The following MBNL1 variants were observed in gnomAD, a reference collection of about 807,000 sequenced individuals.
MBNL1 encodes muscleblind-like protein 1.
A neutral mutation model predicts 42.2 loss-of-function variants in MBNL1; 8 were observed. The ratio of observed to expected loss-of-function variants is 0.19; its 90% CI spans 0.11 to 0.34. The LOEUF (loss-of-function observed/expected upper bound fraction) is 0.34. MBNL1 is among the 10% of genes least tolerant of loss of function. MBNL1 has a pLI of 1.00. For missense variants in MBNL1, 309 were observed against 495.3 expected, an observed-to-expected ratio of 0.62 and a Z score of 3.57; for synonymous variants, 169 against 173.9, an observed-to-expected ratio of 0.97 and a Z score of 0.22.
intron 2 of MBNL1, among the ~76,000 whole-genome samples, chr3:152,320,314 G>A (rs890793280): frequency 1.3e-5 from 2 of 152,106 alleles, no homozygotes; most frequent in African/African-American, 4.8e-5. Flanking sequence ...TTTGTGATAG[G>A]ACTCATCCAG....
intron 1 of MBNL1, among the ~76,000 whole-genome samples, chr3:152,277,215 G>A (rs1577012499): frequency 6.6e-6 from 1 of 152,084 alleles, no homozygotes; most frequent in Admixed American, 6.6e-5. Context: ...GCACTGGATG[G>A]TGATCTAAAG....
At chr3:152,461,014 C>T (rs1474078800) in intron 9 of MBNL1, among the ~76,000 whole-genome samples, 2 of 152,046 alleles carry the variant, frequency 1.3e-5, no homozygotes, top group African/African-American at 4.8e-5. Flanking sequence ...CAACAGGATC[C>T]GTAAACAAAT....
chr3:152,455,351 C>CT (rs1396892907), intron 6 of MBNL1, among the ~76,000 whole-genome samples, 191 bp from the exon 7 acceptor site: 1 of 152,198 alleles, frequency 6.6e-6, no homozygotes, highest in Non-Finnish European at 1.5e-5. Context: ...TTATTCTTCA[C>CT]TTGAGACTAG....
At chr3:152,348,042 C>T (rs1560239979) in intron 2 of MBNL1, among the ~76,000 whole-genome samples, 1 of 151,842 alleles carries the variant, frequency 6.6e-6, no homozygotes, top group Non-Finnish European at 1.5e-5. Context: ...ACTTTTCCTC[C>T]AGGATGAGTC....
chr3:152,434,278 C>A (rs909498716), intron 4 of MBNL1, among the ~76,000 whole-genome samples: 16 of 152,194 alleles, frequency 1.1e-4, no homozygotes, highest in Non-Finnish European at 1.6e-4. Context: ...CATTTAGCCC[C>A]CACTTACAAG....
At chr3:152,456,470 C>A in intron 8 of MBNL1, 109 bp downstream of exon 8, 1 of 866,164 alleles carries the variant, frequency 1.2e-6, no homozygotes, top group South Asian at 1.4e-5. Flanking sequence ...ATCGTGTGTA[C>A]GTGAGGGCTG....
At chr3:152,375,644 T>C (rs1361521377) in intron 2 of MBNL1, among the ~76,000 whole-genome samples, 2 of 152,008 alleles carry the variant, frequency 1.3e-5, no homozygotes, top group Non-Finnish European at 2.9e-5. Flanking sequence ...GCTATTCTTC[T>C]CAATATCTAC....
intron 5 of MBNL1, 111 bp from the exon 6 acceptor site, chr3:152,447,509 T>TCTG: frequency 1.6e-6 from 1 of 637,570 alleles, no homozygotes; most frequent in Non-Finnish European, 2.6e-6. Context: ...AGTTAAGTGC[T>TCTG]CTGCTGCTTG....
intron 2 of MBNL1, among the ~76,000 whole-genome samples, chr3:152,332,902 G>A (rs2086274239): frequency 6.6e-6 from 1 of 152,146 alleles, no homozygotes; most frequent in African/African-American, 2.4e-5. Flanking sequence ...GGGGACCTGA[G>A]TGCTTGATTT....
chr3:152,294,863 TA>T (rs2057879043), intron 1 of MBNL1, among the ~76,000 whole-genome samples: 1 of 152,200 alleles, frequency 6.6e-6, no homozygotes, highest in Non-Finnish European at 1.5e-5. Flanking sequence ...CCAAATTCTA[TA>T]AAATCTTAAT....
chr3:152,449,994 A>G (rs1277934194), intron 6 of MBNL1, among the ~76,000 whole-genome samples: 1 of 151,296 alleles, frequency 6.6e-6, no homozygotes, highest in African/African-American at 2.4e-5. Context: ...AATCCCAGCT[A>G]CTTGGGAGGT....
At chr3:152,279,696 T>C (rs1414484380) in intron 1 of MBNL1, among the ~76,000 whole-genome samples, 1 of 152,138 alleles carries the variant, frequency 6.6e-6, no homozygotes, top group Non-Finnish European at 1.5e-5. Flanking sequence ...GGTAGACCCA[T>C]TTGGGATTCC....
At chr3:152,309,492 G>A (rs189200817) in intron 2 of MBNL1, among the ~76,000 whole-genome samples, 2 of 152,288 alleles carry the variant, frequency 1.3e-5, no homozygotes, top group Non-Finnish European at 2.9e-5. Flanking sequence ...GACCTAGTGC[G>A]TAGGCTTCTG....
At chr3:152,365,878 C>T (rs2096330719) in intron 2 of MBNL1, among the ~76,000 whole-genome samples, 1 of 152,074 alleles carries the variant, frequency 6.6e-6, no homozygotes, top group Admixed American at 6.6e-5. Context: ...AACTCACACA[C>T]ATATATTAGT....
At chr3:152,356,735 C>G (rs891062009) in intron 2 of MBNL1, among the ~76,000 whole-genome samples, 2 of 152,158 alleles carry the variant, frequency 1.3e-5, no homozygotes, top group African/African-American at 4.8e-5. Context: ...CTCGGCCTCC[C>G]AAAGTGCTGG....
At chr3:152,350,738 C>T (rs2094872015) in intron 2 of MBNL1, among the ~76,000 whole-genome samples, 1 of 152,152 alleles carries the variant, frequency 6.6e-6, no homozygotes. Flanking sequence ...TTCCCTAATA[C>T]TACCTGCATT....
chr3:152,433,025 A>T, intron 4 of MBNL1, 105 bp downstream of exon 4: 1 of 1,042,982 alleles, frequency 9.6e-7, no homozygotes, highest in Non-Finnish European at 1.4e-6. Context: ...TAAAAATTTT[A>T]AAACAGATTT....
intron 2 of MBNL1, among the ~76,000 whole-genome samples, chr3:152,339,486 T>TC (rs1491458588): frequency 2.6e-5 from 4 of 151,334 alleles, no homozygotes; most frequent in African/African-American, 9.7e-5. Context: ...TTCTTTTTTT[T>TC]CCCCCGCCTC....
chr3:152,251,494 T>C (rs1471190782), intron 2 of MBNL1, among the ~76,000 whole-genome samples: 1 of 152,138 alleles, frequency 6.6e-6, no homozygotes, highest in East Asian at 1.9e-4. Context: ...AATAGATCTC[T>C]TGAATGTCAT....
Sources: allele counts gnomAD v4.1 joint callset (sites outside exome capture counted in the v4.1 genomes callset), GRCh38; gene constraint gnomAD v4.1.1; transcripts MANE v1.5; gene names NCBI Gene and HGNC (gene_info 2026-07-23, HGNC 2026-07-21).